Variants in SRPK1 observed in about 807,000 individuals in gnomAD.
The protein encoded by SRPK1 is SFRS protein kinase 1.
In SRPK1, 52 loss-of-function variants were observed where a neutral mutation model predicts 89.5. The observed-to-expected ratio is 0.58, with a 90% CI of 0.46 to 0.73. The LOEUF is 0.73. Among genes scored for constraint, SRPK1 ranks in the 30% least tolerant of loss-of-function variants. The probability of loss-of-function intolerance (pLI) is 0.00; values close to 1 mark genes in which losing one functional copy is unlikely to be tolerated. For synonymous variants in SRPK1, 255 were observed against 270.2 expected, an observed-to-expected ratio of 0.94 and a Z score of 0.55; for missense variants, 603 against 780.6, an observed-to-expected ratio of 0.77 and a Z score of 2.71.
intron 2 of SRPK1, among the ~76,000 whole-genome samples, chr6:35,902,315 A>G (rs1770761291): frequency 6.6e-6 from 1 of 151,922 alleles, no homozygotes. Flanking sequence ...AAGGGAGCAG[A>G]GGCAGGAGGA....
At chr6:35,854,012 G>C (rs1041105085) in intron 13 of SRPK1, among the ~76,000 whole-genome samples, 40 of 151,744 alleles carry the variant, frequency 2.6e-4, no homozygotes, top group Non-Finnish European at 1.5e-5. Context: ...GTGCAGTGGT[G>C]TGATCTCAGC....
At chr6:35,917,671 G>A (rs1581604583) in intron 2 of SRPK1, among the ~76,000 whole-genome samples, 1 of 152,234 alleles carries the variant, frequency 6.6e-6, no homozygotes, top group East Asian at 1.9e-4. Context: ...CAAGACCCTG[G>A]GTTTAAGATC....
chr6:35,904,368 A>C (rs993903962), intron 2 of SRPK1, among the ~76,000 whole-genome samples: 2 of 152,060 alleles, frequency 1.3e-5, no homozygotes, highest in African/African-American at 4.8e-5. Flanking sequence ...TGTGCTTAAT[A>C]CTATCACTCA....
At chr6:35,853,927 T>C (rs978148626) in intron 13 of SRPK1, among the ~76,000 whole-genome samples, 28 of 152,006 alleles carry the variant, frequency 1.8e-4, no homozygotes, top group Non-Finnish European at 3.4e-4. Flanking sequence ...TGTTGTGTTC[T>C]TCACAAATAT....
chr6:35,859,179 T>C (rs1269250440), intron 12 of SRPK1, among the ~76,000 whole-genome samples: 5 of 152,176 alleles, frequency 3.3e-5, no homozygotes, highest in Non-Finnish European at 7.3e-5. Flanking sequence ...ATTCGTGCTG[T>C]GGTGCTAGAT....
chr6:35,896,624 C>T (rs1028975106), intron 2 of SRPK1, among the ~76,000 whole-genome samples: 1 of 152,172 alleles, frequency 6.6e-6, no homozygotes, highest in Non-Finnish European at 1.5e-5. Flanking sequence ...TATCCACACA[C>T]CAAGTTGTAC....
At chr6:35,850,259 T>C (rs949445788) in intron 13 of SRPK1, among the ~76,000 whole-genome samples, 1 of 152,208 alleles carries the variant, frequency 6.6e-6, no homozygotes, top group Non-Finnish European at 1.5e-5. Flanking sequence ...AAACCAGATA[T>C]GCCAAGTTTT....
chr6:35,835,995 T>C (rs9470121), intron 15 of SRPK1, among the ~76,000 whole-genome samples: 47,887 of 151,818 alleles, frequency 0.32, 7,790 homozygotes, highest in South Asian at 0.42. Context: ...TCCTACACAG[T>C]TTTCAGATAC....
Position 35,835,474 on chromosome 6 carries a change from T to C in SRPK1, c.1798A>G (p.Ile600Val). ...AGGCCCCAAGGTTTCAGCTTCGTGA[T>C]ATGTTTCAGGTCACCTGCAGTGAAG... The part of the protein sequence containing the change: ...FFTKKGDLKH[I>V]TKLKPWGLFE... The change falls in exon 16 of 16, where the codon ATC becomes GTC. Residue 600 changes from isoleucine to valine, a missense_variant. By Grantham distance (29) the Ile-to-Val change is conservative. Transcript: ENST00000373825. 6.2e-7 allele frequency: 1 copy of C among 1,612,750 alleles called. No individual in the cohort carries two copies. The highest frequency in any genetic ancestry group is 8.5e-7 in the Non-Finnish European group (1 of 1,179,408).
At chr6:35,870,631 T>A in intron 9 of SRPK1, 137 bp from the exon 10 acceptor site, 1 of 844,120 alleles carries the variant, frequency 1.2e-6, no homozygotes, top group Non-Finnish European at 1.8e-6. Context: ...AGTCTTTCAT[T>A]AAATTAAAAG....
chr6:35,856,384 A>C (rs139676407), intron 13 of SRPK1, among the ~76,000 whole-genome samples: 3 of 151,712 alleles, frequency 2.0e-5, no homozygotes, highest in Non-Finnish European at 2.9e-5. Flanking sequence ...CTGAGGGGGT[A>C]ATGCAAACCT....
chr6:35,838,581 ACT>A (rs1368630674), intron 14 of SRPK1, 152 bp from the exon 15 acceptor site: 4 of 1,423,110 alleles, frequency 2.8e-6, no homozygotes, highest in Non-Finnish European at 3.9e-6. Context: ...GAAGAGGAAG[ACT>A]CTATCCATCT....
At chr6:35,916,269 T>G (rs1771101050) in intron 2 of SRPK1, among the ~76,000 whole-genome samples, 1 of 150,898 alleles carries the variant, frequency 6.6e-6, no homozygotes, top group Admixed American at 6.6e-5. Context: ...AATTAAATTA[T>G]GGCATATCAA....
At chr6:35,903,105 C>T (rs1770779748) in intron 2 of SRPK1, among the ~76,000 whole-genome samples, 1 of 151,668 alleles carries the variant, frequency 6.6e-6, no homozygotes, top group Non-Finnish European at 1.5e-5. Flanking sequence ...ACAGTGAGAC[C>T]CTGTCTCTAT....
intron 13 of SRPK1, among the ~76,000 whole-genome samples, chr6:35,847,038 C>T (rs1305325629): frequency 1.3e-5 from 2 of 152,228 alleles, no homozygotes; most frequent in African/African-American, 4.8e-5. Context: ...AAGGCCACAG[C>T]TAACATTGTA....
chr6:35,881,853 G>C (rs1057282807), intron 6 of SRPK1, among the ~76,000 whole-genome samples: 1 of 151,972 alleles, frequency 6.6e-6, no homozygotes, highest in East Asian at 1.9e-4. Flanking sequence ...CAAGCAGACA[G>C]AAGATAAGCA....
chr6:35,880,742 A>AAAAAAAAAAAAAAAAAAAAAAAAAAG, intron 6 of SRPK1, among the ~76,000 whole-genome samples: 1 of 28,176 alleles, frequency 3.5e-5, no homozygotes, highest in Non-Finnish European at 5.6e-5. Context: ...AAAGAAAAAA[A>AAAAAAAAAAAAAAAAAAAAAAAAAAG]AAAAAAAAGA....
intron 2 of SRPK1, among the ~76,000 whole-genome samples, chr6:35,898,502 C>G (rs1331560224): frequency 6.6e-6 from 1 of 152,192 alleles, no homozygotes; most frequent in Non-Finnish European, 1.5e-5. Flanking sequence ...TAAAAACCAC[C>G]TGTACCCCAA....
intron 8 of SRPK1, 44 bp from the exon 9 acceptor site, chr6:35,871,003 G>A: frequency 6.4e-7 from 1 of 1,570,132 alleles, no homozygotes; most frequent in Non-Finnish European, 8.7e-7. Context: ...GCATTCATCA[G>A]GCAATATAAA....
Sources: gnomAD v4.1 joint callset for allele counts (sites outside exome capture counted in the v4.1 genomes callset) on GRCh38, gnomAD v4.1.1 for gene constraint, MANE v1.5 for transcripts, NCBI Gene and HGNC (gene_info 2026-07-23, HGNC 2026-07-21) for gene names.